The following TAFA1 variants were observed in gnomAD, a reference collection of about 807,000 sequenced individuals.
TAFA1 encodes the protein TAFA chemokine like family member 1.
Under a neutral mutation model 18.5 loss-of-function variants are expected in TAFA1, and 4 were observed. That is an observed-to-expected ratio of 0.22 (90% CI 0.11 to 0.49). The LOEUF (loss-of-function observed/expected upper bound fraction) is 0.49. Among genes scored for constraint, TAFA1 ranks in the 20% least tolerant of loss-of-function variants. TAFA1 has a pLI of 0.98. For missense variants in TAFA1, 147 were observed against 169.0 expected, an observed-to-expected ratio of 0.87 and a Z score of 0.72; for synonymous variants, 56 against 55.2, an observed-to-expected ratio of 1.01 and a Z score of -0.06.
chr3:68,349,905 A>G (rs1471953110), intron 2 of TAFA1, among the ~76,000 whole-genome samples: 1 of 152,084 alleles, frequency 6.6e-6, no homozygotes, highest in Non-Finnish European at 1.5e-5. Flanking sequence ...CCAATTAACA[A>G]CAGTTCTTTT....
At chr3:68,137,456 C>A (rs952878082) in intron 2 of TAFA1, among the ~76,000 whole-genome samples, 1 of 152,130 alleles carries the variant, frequency 6.6e-6, no homozygotes, top group Non-Finnish European at 1.5e-5. Flanking sequence ...CTGTGAGTAA[C>A]AGCAGCAGTA....
chr3:68,252,274 C>G (rs925634525), intron 2 of TAFA1, among the ~76,000 whole-genome samples: 3 of 152,174 alleles, frequency 2.0e-5, no homozygotes, highest in African/African-American at 7.2e-5. Flanking sequence ...CTTGTCTGCT[C>G]TCACTTCCCA....
At chr3:68,209,960 T>C (rs1403836724) in intron 2 of TAFA1, among the ~76,000 whole-genome samples, 1 of 151,960 alleles carries the variant, frequency 6.6e-6, no homozygotes, top group African/African-American at 2.4e-5. Flanking sequence ...CTTTTAATTT[T>C]TTTTCCTAAA....
chr3:68,124,228 T>C (rs762786915), intron 2 of TAFA1, among the ~76,000 whole-genome samples: 5 of 152,208 alleles, frequency 3.3e-5, no homozygotes, highest in Non-Finnish European at 5.9e-5. Flanking sequence ...TTTATAATTA[T>C]TGGGGGATAA....
chr3:68,203,829 G>A (rs1370688411), intron 2 of TAFA1, among the ~76,000 whole-genome samples: 4 of 151,648 alleles, frequency 2.6e-5, no homozygotes, highest in Admixed American at 6.6e-5. Context: ...TAGTGTTCTG[G>A]TATATTTCAA....
intron 2 of TAFA1, among the ~76,000 whole-genome samples, chr3:68,373,587 C>A (rs1009228385): frequency 1.3e-5 from 2 of 152,296 alleles, no homozygotes; most frequent in Admixed American, 1.3e-4. Context: ...GCTTTGTTTT[C>A]CTCATTGAAG....
At chr3:68,444,350 C>A (rs2071437207) in intron 3 of TAFA1, among the ~76,000 whole-genome samples, 1 of 152,202 alleles carries the variant, frequency 6.6e-6, no homozygotes, top group South Asian at 2.1e-4. Flanking sequence ...AATGTAATTC[C>A]CTAGAGTCCT....
intron 2 of TAFA1, among the ~76,000 whole-genome samples, chr3:68,077,131 C>T (rs1407951105): frequency 8.7e-5 from 13 of 149,128 alleles, no homozygotes; most frequent in African/African-American, 3.0e-4. Flanking sequence ...TGTTCATGTC[C>T]TTTGCCCACT....
At chr3:68,277,137 C>CAT (rs1411153593) in intron 2 of TAFA1, among the ~76,000 whole-genome samples, 1 of 152,048 alleles carries the variant, frequency 6.6e-6, no homozygotes, top group African/African-American at 2.4e-5. Context: ...AACCTACTTG[C>CAT]ATATATATTA....
intron 2 of TAFA1, among the ~76,000 whole-genome samples, chr3:68,327,130 G>A (rs2068788855): frequency 6.6e-6 from 1 of 152,154 alleles, no homozygotes; most frequent in South Asian, 2.1e-4. Flanking sequence ...CTGCCACCAT[G>A]TAAGACATGT....
chr3:68,461,061 C>A, intron 3 of TAFA1, among the ~76,000 whole-genome samples: 1 of 151,926 alleles, frequency 6.6e-6, no homozygotes, highest in East Asian at 2.0e-4. Context: ...GTGGGTGGAT[C>A]CCCTGAGGTC....
intron 2 of TAFA1, among the ~76,000 whole-genome samples, chr3:68,381,700 A>G (rs893601680): frequency 1.3e-5 from 2 of 152,144 alleles, no homozygotes; most frequent in Admixed American, 1.3e-4. Flanking sequence ...CAGACATACA[A>G]TCATGTCATC....
intron 2 of TAFA1, among the ~76,000 whole-genome samples, chr3:68,211,506 G>A (rs1202451571): frequency 1.3e-5 from 2 of 152,000 alleles, no homozygotes; most frequent in African/African-American, 4.8e-5. Flanking sequence ...AAAATACTGT[G>A]GTGATTGAGA....
At chr3:68,269,451 G>A (rs948149515) in intron 2 of TAFA1, among the ~76,000 whole-genome samples, 1 of 152,192 alleles carries the variant, frequency 6.6e-6, no homozygotes, top group Non-Finnish European at 1.5e-5. Flanking sequence ...CTGGGGGATA[G>A]TGTGAGACCC....
At chr3:68,180,706 G>A (rs2066187486) in intron 2 of TAFA1, among the ~76,000 whole-genome samples, 1 of 151,830 alleles carries the variant, frequency 6.6e-6, no homozygotes, top group Non-Finnish European at 1.5e-5. Flanking sequence ...TTCTTCCCTG[G>A]CCTCTGCAGA....
At position 68,331,399 on chromosome 3, in the gene TAFA1, G is replaced by A. The variant is rs781231972; in HGVS notation, c.119-85881G>A. 1.8e-4 allele frequency among the ~76,000 whole-genome samples: 28 copies of A among 152,076 alleles called. 1 individual carries two copies. The highest frequency in any genetic ancestry group is 4.6e-4 in the Admixed American group (7 of 15,270). On this transcript the variant is annotated intron_variant, in intron 2 of 4. Coordinates refer to ENST00000478136, the MANE Select transcript of TAFA1 (RefSeq NM_213609.4). ...TTGCATCACTGTGAATGTACTAAAT[G>A]CCACTAAATTTCATTTTATATGATG...
chr3:68,038,844 C>A (rs1705107145), intron 2 of TAFA1, among the ~76,000 whole-genome samples: 1 of 152,072 alleles, frequency 6.6e-6, no homozygotes, highest in Non-Finnish European at 1.5e-5. Flanking sequence ...ATTATGTAAC[C>A]TCTCATCTTG....
At chr3:68,517,763 C>T (rs1858377) in intron 3 of TAFA1, among the ~76,000 whole-genome samples, 120,170 of 152,028 alleles carry the variant, frequency 0.79, 47,577 homozygotes, top group East Asian at 0.9. Context: ...AGAACTTGCT[C>T]TGGATCAAAA....
intron 2 of TAFA1, among the ~76,000 whole-genome samples, chr3:68,075,875 T>C (rs1444146618): frequency 3.3e-5 from 5 of 152,134 alleles, no homozygotes; most frequent in Non-Finnish European, 7.3e-5. Context: ...TTTTGCATTT[T>C]TCGCAGAGAT....
Sources: allele counts gnomAD v4.1 joint callset (sites outside exome capture counted in the v4.1 genomes callset), GRCh38; gene constraint gnomAD v4.1.1; transcripts MANE v1.5; gene names NCBI Gene and HGNC (gene_info 2026-07-23, HGNC 2026-07-21).